FCMR: variants seen among roughly 807,000 people sequenced by gnomAD.
The protein encoded by FCMR is immunoglobulin mu Fc receptor.
FCMR carries 34 observed loss-of-function variants against 41.6 expected under a neutral mutation model. The observed-to-expected ratio is 0.82, with a 90% CI of 0.62 to 1.09. The LOEUF (loss-of-function observed/expected upper bound fraction) is 1.09. Ranked by LOEUF, FCMR falls within the 50% of genes least tolerant of loss-of-function variation. The pLI is 0.00. For missense variants in FCMR, 496 were observed against 512.5 expected, an observed-to-expected ratio of 0.97 and a Z score of 0.31; for synonymous variants, 209 against 211.8, an observed-to-expected ratio of 0.99 and a Z score of 0.12.
rs777059699 is a variant in FCMR at position 206,911,861 on chromosome 1, T to C, written c.579A>G (p.Ala193=). ...GGGGCTTGTCACCTGCTACTGAAGATGCTCTGGACACTCGAGGGCGGTGGG... is the reference window on the plus strand; with the variant it reads ...GGGGCTTGTCACCTGCTACTGAAGACGCTCTGGACACTCGAGGGCGGTGGG... ...QITHRPRVSR[A]SSVAGDKPRT... Residue 193 remains alanine, a synonymous_variant, in exon 4 of 8, where the codon GCA becomes GCG. Coordinates refer to ENST00000367091, the MANE Select transcript of FCMR (RefSeq NM_005449.5). 6.2e-7 allele frequency: 1 copy of C among 1,610,182 alleles called. No homozygotes were observed. The highest frequency in any genetic ancestry group is 1.1e-5 in the South Asian group (1 of 90,426).
intron 3 of FCMR, 76 bp from the exon 4 acceptor site, chr1:206,912,028 T>C (rs563104070): frequency 1.8e-6 from 2 of 1,092,284 alleles, no homozygotes; most frequent in Non-Finnish European, 2.7e-6. Context: ...CACCACCTCT[T>C]TCCACAACAT....
chr1:206,910,259 C>G lies in FCMR; in HGVS notation c.792G>C (p.Leu264=). The G allele has an allele frequency of 1.9e-6, 3 of 1,589,362 alleles. No homozygotes were observed. The highest frequency in any genetic ancestry group is 2.6e-6 in the Non-Finnish European group (3 of 1,168,154). Residue 264 remains leucine, a synonymous_variant, in exon 5 of 8, where the codon CTG becomes CTC. Transcript: ENST00000367091. Reference sequence around the variant, plus strand: ...TCACCACCAGCCCCAGAAGTGCCAGCAGGAAAAGGCCCAGGATGGTCGGGA... The same window carrying G: ...TCACCACCAGCCCCAGAAGTGCCAGGAGGAAAAGGCCCAGGATGGTCGGGA... ...ILIPTILGLF[L]LALLGLVVKR...
At chr1:206,920,132 A>C (rs893539532) in intron 1 of FCMR, among the ~76,000 whole-genome samples, 4 of 152,148 alleles carry the variant, frequency 2.6e-5, no homozygotes, top group African/African-American at 9.7e-5. Context: ...AAGGAGGTGA[A>C]GTTTGAGATG....
chr1:206,914,953 T>C (rs534484232), intron 1 of FCMR, among the ~76,000 whole-genome samples: 42 of 152,314 alleles, frequency 2.8e-4, no homozygotes, highest in Non-Finnish European at 4.7e-4. Context: ...AGACATAATA[T>C]GCCTCAGGTG....
intron 7 of FCMR, among the ~76,000 whole-genome samples, chr1:206,907,191 T>C (rs1293535636): frequency 6.7e-6 from 1 of 149,750 alleles, no homozygotes; most frequent in Non-Finnish European, 1.5e-5. Context: ...AGGCCCACGA[T>C]TGACCAGCTG....
intron 1 of FCMR, among the ~76,000 whole-genome samples, chr1:206,916,891 T>C (rs963344038): frequency 2.0e-5 from 3 of 152,238 alleles, no homozygotes; most frequent in African/African-American, 7.2e-5. Context: ...TCCCAGGTGC[T>C]CTTGCATTTC....
chr1:206,909,504 G>A lies in FCMR; in HGVS notation c.1002C>T (p.Pro334=). ...GADAAGTGEA[P]VPGPGAPLPP... is the part of the protein sequence containing the mutation. ...GCAACGGCGCTCCGGGGCCGGGAAC[G>A]GGGGCCTCCCCTGTGCCTAGGGAAC... is the stretch of plus-strand genomic sequence containing the variant. The change falls in exon 7 of 8, where the codon CCC becomes CCT. Residue 334 remains proline (P), a synonymous_variant. Coordinates refer to ENST00000367091, the MANE Select transcript of FCMR (RefSeq NM_005449.5). The surrounding 1 kb of genome is among the most constrained non-coding windows in gnomAD (Gnocchi z 5.0). 1 of 1,284,918 alleles carries A rather than the reference G, an allele frequency of 7.8e-7. No individual in the cohort carries two copies. Among genetic ancestry groups the A allele is most frequent in the Non-Finnish European group, 9.8e-7 (1 of 1,017,430 alleles). The allele number at this position is 1,284,918 out of a possible 1,614,324, so 79.6% of individuals were successfully genotyped here.
At chr1:206,911,063 CTTG>C (rs1389538755) in intron 4 of FCMR, among the ~76,000 whole-genome samples, 58 of 152,242 alleles carry the variant, frequency 3.8e-4, no homozygotes, top group African/African-American at 1.3e-3. Flanking sequence ...GCTGGTTGAC[CTTG>C]ATGTTTTCCC....
At chr1:206,912,892 T>G (rs1370751028) in intron 3 of FCMR, 37 bp downstream of exon 3, 2 of 1,376,530 alleles carry the variant, frequency 1.5e-6, no homozygotes, top group Non-Finnish European at 2.1e-6. Context: ...CCACAGCATC[T>G]CACCCACCTC....
upstream of FCMR, among the ~76,000 whole-genome samples, chr1:206,922,238 T>C (rs1470800163): frequency 6.6e-6 from 1 of 152,230 alleles, no homozygotes; most frequent in Admixed American, 6.5e-5. Context: ...GCTTCCGTGC[T>C]GGGGTCATTT....
intron 7 of FCMR, chr1:206,905,941 G>C (rs763716459): frequency 5.6e-4 from 100 of 177,000 alleles, no homozygotes; most frequent in Non-Finnish European, 9.4e-4. Flanking sequence ...AGTCAAGGAA[G>C]TAAGAAGCCA....
Position 206,921,848 on chromosome 1 carries a change from A to G in FCMR, c.7T>C (p.Phe3Leu). 6.2e-7 allele frequency: 1 copy of G among 1,614,210 alleles called. No individual in the cohort carries two copies. The highest frequency in any genetic ancestry group is 8.5e-7 in the Non-Finnish European group (1 of 1,180,016). The change falls in exon 1 of 8, where the codon TTC becomes CTC. Residue 3 changes from phenylalanine to leucine, a missense_variant. By Grantham distance (22) the Phe-to-Leu change is conservative. Coordinates refer to ENST00000367091, the MANE Select transcript of FCMR (RefSeq NM_005449.5). MD[F>L]WLWPLYFLPV... ...AGGAAGTAAAGTGGCCAAAGCCAGA[A>G]GTCCATTGTCCCTTCTAGAGTGCAA... is the stretch of plus-strand genomic sequence containing the variant.
rs1338436984 is a variant in FCMR at position 206,909,856 on chromosome 1, C to G, written c.854G>C (p.Arg285Pro). The change falls in exon 6 of 8, where the codon CGG becomes CCG. Residue 285 changes from arginine (R) to proline (P), a missense_variant. Physicochemically the swap from Arg to Pro is moderately radical, Grantham distance 103. Transcript: ENST00000367091. This position sits in a 1 kb window ranked among gnomAD's most constrained non-coding sequence, Gnocchi z 5.0. ...CATCCTCACGGCCAGTCGGCGGGCC[C>G]GCCTGGAGAGGGCTTCCCCACAAAG... ...AVERRKALSR[R>P]ARRLAVRMRA... 1.4e-6 allele frequency: 2 copies of G among 1,382,096 alleles called. No individual in the cohort carries two copies. Among genetic ancestry groups the G allele is most frequent in the Admixed American group, 3.8e-5 (1 of 26,112 alleles). The allele number at this position is 1,382,096 out of a possible 1,614,324, so 85.6% of individuals were successfully genotyped here.
At chr1:206,914,287 A>G (rs2102564654) in intron 1 of FCMR, among the ~76,000 whole-genome samples, 193 bp from the exon 2 acceptor site, 1 of 150,700 alleles carries the variant, frequency 6.6e-6, no homozygotes, top group East Asian at 2.0e-4. Context: ...CCTTATCCTC[A>G]TTTCTTTTTT....
chr1:206,907,918 C>T, intron 7 of FCMR: 1 of 1,255,526 alleles, frequency 8.0e-7, no homozygotes. Context: ...CGCCCTGGAC[C>T]ACCTCAAGGT....
chr1:206,907,291 G>A (rs1226260687), intron 7 of FCMR, among the ~76,000 whole-genome samples: 1 of 152,182 alleles, frequency 6.6e-6, no homozygotes, highest in African/African-American at 2.4e-5. Flanking sequence ...GGTGGGAAAC[G>A]TCAGGGTCAT....
chr1:206,913,239 G>A (rs1184640930), intron 2 of FCMR, among the ~76,000 whole-genome samples, 197 bp from the exon 3 acceptor site: 1 of 152,162 alleles, frequency 6.6e-6, no homozygotes, highest in African/African-American at 2.4e-5. Flanking sequence ...AACATTCCCT[G>A]CAAAACCAGC....
chr1:206,910,080 C>G, intron 5 of FCMR, 130 bp downstream of exon 5: 3 of 1,206,218 alleles, frequency 2.5e-6, no homozygotes, highest in African/African-American at 1.6e-5. Flanking sequence ...GCCCCCACTT[C>G]CCTAACTTCC....
intron 1 of FCMR, among the ~76,000 whole-genome samples, chr1:206,919,881 T>C (rs369043203): frequency 3.9e-5 from 6 of 152,234 alleles, no homozygotes; most frequent in African/African-American, 1.4e-4. Context: ...CCTCTCACAG[T>C]GTTTGATGTT....
Sources: gnomAD v4.1 joint callset for allele counts (sites outside exome capture counted in the v4.1 genomes callset) on GRCh38, gnomAD v4.1.1 for gene constraint, Gnocchi (gnomAD v3.1) non-coding constraint, MANE v1.5 for transcripts, NCBI Gene and HGNC (gene_info 2026-07-23, HGNC 2026-07-21) for gene names.